Variants in SRPK2 observed in about 807,000 individuals in gnomAD.
SRPK2 encodes SRSF protein kinase 2.
In SRPK2, 21 loss-of-function variants were observed where a neutral mutation model predicts 90.8. The observed-to-expected ratio is 0.23, with a 90% CI of 0.16 to 0.33. The LOEUF is 0.33. SRPK2 is among the 10% of genes least tolerant of loss of function. SRPK2 has a pLI of 1.00. For synonymous variants in SRPK2, 288 were observed against 311.1 expected (o/e 0.93, Z 0.78); for missense variants, 620 against 869.0 (o/e 0.71, Z 3.60).
At chr7:105,181,429 C>T (rs980757496) in intron 3 of SRPK2, among the ~76,000 whole-genome samples, 2 of 152,196 alleles carry the variant, frequency 1.3e-5, no homozygotes, top group Non-Finnish European at 2.9e-5. Context: ...TGTATGTTCA[C>T]TGCGACACTA....
intron 2 of SRPK2, among the ~76,000 whole-genome samples, chr7:105,367,907 A>C (rs1819253792): frequency 6.6e-6 from 1 of 152,188 alleles, no homozygotes. Context: ...CAAAAAATTT[A>C]CCAATATATT....
intron 2 of SRPK2, among the ~76,000 whole-genome samples, chr7:105,244,267 A>C (rs769758808): frequency 6.6e-6 from 1 of 152,170 alleles, no homozygotes; most frequent in Non-Finnish European, 1.5e-5. Flanking sequence ...ACTGTCCAAT[A>C]TTTCCTATTA....
At chr7:105,217,038 C>T (rs1282618690) in intron 2 of SRPK2, among the ~76,000 whole-genome samples, 2 of 152,158 alleles carry the variant, frequency 1.3e-5, no homozygotes, top group Non-Finnish European at 2.9e-5. Context: ...TTCAGGGTTC[C>T]AGCTGTGACC....
intron 2 of SRPK2, among the ~76,000 whole-genome samples, chr7:105,303,574 T>C (rs1585625436): frequency 6.6e-6 from 1 of 152,276 alleles, no homozygotes; most frequent in East Asian, 1.9e-4. Flanking sequence ...CATATTCTTA[T>C]ATGAAAATTA....
intron 7 of SRPK2, 165 bp downstream of exon 7, chr7:105,160,340 AAT>A (rs1410777928): frequency 3.5e-4 from 149 of 424,760 alleles, no homozygotes; most frequent in Non-Finnish European, 3.7e-4. Context: ...ATACTGACTT[AAT>A]AAGAGTTCAA....
intron 2 of SRPK2, among the ~76,000 whole-genome samples, chr7:105,261,829 T>A (rs1447664350): frequency 6.6e-6 from 1 of 152,118 alleles, no homozygotes; most frequent in African/African-American, 2.4e-5. Flanking sequence ...ACAGCAGCTG[T>A]GACAAATGCT....
chr7:105,251,021 G>A (rs1266211740), intron 2 of SRPK2, among the ~76,000 whole-genome samples: 1 of 152,170 alleles, frequency 6.6e-6, no homozygotes, highest in East Asian at 1.9e-4. Context: ...GGGGTACGTG[G>A]CAGTGGAGGA....
chr7:105,141,935 C>A, intron 11 of SRPK2, 73 bp downstream of exon 11: 1 of 1,521,922 alleles, frequency 6.6e-7, no homozygotes, highest in Non-Finnish European at 8.8e-7. Context: ...CCAGCCAATT[C>A]CTTCACAGCA....
intron 1 of SRPK2, chr7:105,399,067 AT>A: frequency 2.0e-5 from 3 of 152,240 alleles, no homozygotes; most frequent in African/African-American, 7.2e-5. Context: ...TATATGTGCC[AT>A]GTTAAGCAAT....
At chr7:105,124,640 TAAA>T (rs57925635) in intron 15 of SRPK2, among the ~76,000 whole-genome samples, 1,614 of 52,934 alleles carry the variant, frequency 0.03, 87 homozygotes, top group African/African-American at 0.093. Flanking sequence ...AAACTCCATC[TAAA>T]AAAAAAAAAA....
At chr7:105,119,931 G>A (rs1176941633) in intron 15 of SRPK2, among the ~76,000 whole-genome samples, 2 of 152,184 alleles carry the variant, frequency 1.3e-5, no homozygotes, top group Non-Finnish European at 2.9e-5. Context: ...TTAACAACAT[G>A]GGAGAAGATC....
At chr7:105,210,899 G>C (rs895865617) in intron 2 of SRPK2, among the ~76,000 whole-genome samples, 3 of 152,134 alleles carry the variant, frequency 2.0e-5, no homozygotes, top group Non-Finnish European at 4.4e-5. Flanking sequence ...GGTGCTCCCT[G>C]CCAACAGCTA....
At chr7:105,298,470 A>C (rs1171051824) in intron 2 of SRPK2, among the ~76,000 whole-genome samples, 1 of 152,130 alleles carries the variant, frequency 6.6e-6, no homozygotes, top group Non-Finnish European at 1.5e-5. Flanking sequence ...TTTTTTCTGA[A>C]CCTAAGTTTC....
intron 2 of SRPK2, among the ~76,000 whole-genome samples, chr7:105,377,671 G>C: frequency 6.6e-6 from 1 of 152,082 alleles, no homozygotes; most frequent in African/African-American, 2.4e-5. Context: ...CCGCACTCCA[G>C]CCTGAGCAAC....
chr7:105,261,371 A>C (rs1804257512), intron 2 of SRPK2, among the ~76,000 whole-genome samples: 1 of 152,082 alleles, frequency 6.6e-6, no homozygotes, highest in African/African-American at 2.4e-5. Context: ...AATACAAAAA[A>C]TTAGCCAGGC....
chr7:105,349,673 C>A (rs558954221), intron 2 of SRPK2, among the ~76,000 whole-genome samples: 4 of 152,216 alleles, frequency 2.6e-5, no homozygotes, highest in African/African-American at 9.6e-5. Flanking sequence ...GCCCAAAAAA[C>A]CAGAGATAAC....
intron 2 of SRPK2, among the ~76,000 whole-genome samples, chr7:105,288,635 TATTA>T (rs1338656891): frequency 2.6e-5 from 4 of 152,156 alleles, no homozygotes; most frequent in African/African-American, 7.2e-5. Flanking sequence ...TATAAAAACA[TATTA>T]ATTAAGCAGC....
intron 2 of SRPK2, among the ~76,000 whole-genome samples, chr7:105,297,972 C>A (rs138237925): frequency 0.021 from 3,211 of 152,270 alleles, 63 homozygotes; most frequent in Non-Finnish European, 0.033. Context: ...GAACTCCTGA[C>A]CTCGTGATCT....
upstream of SRPK2, chr7:105,389,279 C>G (rs556371506): frequency 2.0e-5 from 25 of 1,275,784 alleles, no homozygotes; most frequent in East Asian, 6.4e-5. Context: ...TCCATGCGCC[C>G]GTCCTTGGCC....
Sources: gnomAD v4.1 joint callset for allele counts (sites outside exome capture counted in the v4.1 genomes callset) on GRCh38, gnomAD v4.1.1 for gene constraint, MANE v1.5 for transcripts, NCBI Gene and HGNC (gene_info 2026-07-23, HGNC 2026-07-21) for gene names.